The following OS9 variants were observed in gnomAD, a reference collection of about 807,000 sequenced individuals.
OS9 encodes protein OS-9.
Under a neutral mutation model 84.7 loss-of-function variants are expected in OS9, and 58 were observed. The observed-to-expected ratio is 0.68, with a 90% CI of 0.55 to 0.85. The LOEUF (loss-of-function observed/expected upper bound fraction) is 0.85, where lower values mean the gene tolerates loss of function less well. Among genes scored for constraint, OS9 ranks in the 40% least tolerant of loss-of-function variants. The pLI, the probability that OS9 is intolerant of heterozygous loss-of-function variation, is 0.00. For synonymous variants in OS9, 278 were observed against 320.8 expected (o/e 0.87, Z 1.43); for missense variants, 760 against 850.9 (o/e 0.89, Z 1.33).
intron 1 of OS9, 40 bp downstream of exon 1, chr12:57,694,363 G>A: frequency 6.2e-7 from 1 of 1,607,952 alleles, no homozygotes; most frequent in Non-Finnish European, 8.5e-7. Context: ...GGCAGAAGAG[G>A]AAGCGGGTAA....
chr12:57,695,064 G>T, intron 2 of OS9, 138 bp downstream of exon 2: 2 of 694,716 alleles, frequency 2.9e-6, no homozygotes, highest in East Asian at 2.7e-5. Context: ...CAGATTACAC[G>T]GACAGGAAAG....
intron 5 of OS9, among the ~76,000 whole-genome samples, chr12:57,697,924 T>TACACACACACACAC (rs61407014): frequency 4.4e-5 from 4 of 91,548 alleles, no homozygotes; most frequent in African/African-American, 7.9e-5. Flanking sequence ...CACACACACA[T>TACACACACACACAC]ACACACACAC....
intron 3 of OS9, 26 bp from the exon 4 acceptor site, chr12:57,695,936 G>A: frequency 1.3e-6 from 2 of 1,595,968 alleles, no homozygotes; most frequent in Non-Finnish European, 1.7e-6. Context: ...AAGAGTAACA[G>A]TGCTTCACTG....
At chr12:57,712,671 T>G (rs1478931888) in intron 5 of OS9, among the ~76,000 whole-genome samples, 1 of 152,158 alleles carries the variant, frequency 6.6e-6, no homozygotes, top group Non-Finnish European at 1.5e-5. Context: ...TTTTAGATAG[T>G]ATGTTGTAGT....
At chr12:57,694,631 T>A in intron 1 of OS9, 119 bp from the exon 2 acceptor site, 1 of 1,057,558 alleles carries the variant, frequency 9.5e-7, no homozygotes, top group Non-Finnish European at 1.4e-6. Flanking sequence ...CTGGAGGGCT[T>A]ATGGCTTATT....
intron 10 of OS9, 62 bp downstream of exon 10, chr12:57,718,020 T>C (rs771517063): frequency 1.6e-5 from 25 of 1,538,766 alleles, no homozygotes; most frequent in Non-Finnish European, 2.1e-5. Flanking sequence ...TTTGAAAAAC[T>C]ACCCTGACCT....
intron 7 of OS9, 31 bp downstream of exon 7, chr12:57,716,224 C>G (rs1048466862): frequency 1.4e-6 from 2 of 1,430,106 alleles, no homozygotes; most frequent in African/African-American, 2.9e-5. Flanking sequence ...TTCCGTGAAA[C>G]TCACTTCCAT....
chr12:57,718,998 GAA>G lies in OS9; in HGVS notation c.1418_1419del (p.Lys473ArgfsTer65). The G allele has an allele frequency of 6.2e-7, 1 of 1,612,998 alleles. No individual in the cohort carries two copies. Among genetic ancestry groups the G allele is most frequent in the Admixed American group, 1.7e-5 (1 of 59,988 alleles). On this transcript the variant is annotated frameshift_variant, in exon 12 of 15. Coordinates refer to ENST00000315970, the MANE Select transcript of OS9 (RefSeq NM_006812.4). LOFTEE classifies it high-confidence loss of function. ...TCTTCTCTTGGGTATTCCAGACAGAGAAAGAGCTGGACCCAGATGGGCTGAAG... is the reference window on the plus strand; with the variant it reads ...TCTTCTCTTGGGTATTCCAGACAGAGAGAGCTGGACCCAGATGGGCTGAAG... Reference protein sequence around the residue: ...ELENIIQETEKELDPDGLKKE... With the variant: ...ELENIIQETEXELDPDGLKKE...
chr12:57,711,116 C>T (rs1954316828), intron 5 of OS9, among the ~76,000 whole-genome samples: 1 of 151,324 alleles, frequency 6.6e-6, no homozygotes, highest in African/African-American at 2.4e-5. Flanking sequence ...CCCATTCTCT[C>T]CCCGCCATCC....
Position 57,716,287 on chromosome 12 carries a change from G to A in OS9, c.892+94G>A. ...CTGACTGACTGGTGGGGTGGGGGGG[G>A]GTGGAAAAGTACCATGGGCCCTCCT... On this transcript the variant is annotated intron_variant, in intron 7 of 14. Transcript: ENST00000315970. 3 of 745,066 alleles carry A rather than the reference G, an allele frequency of 4.0e-6. 1 individual carries two copies. The highest frequency in any genetic ancestry group is 1.5e-5 in the South Asian group (1 of 66,502). The allele number at this position is 745,066 out of a possible 1,614,324, so 46.2% of individuals were successfully genotyped here. A position where few individuals can be genotyped will look rare whatever the true frequency, so the allele number is the denominator to read the frequency against.
At chr12:57,717,985 A>G (rs773072230) in intron 10 of OS9, 27 bp downstream of exon 10, 2 of 1,579,128 alleles carry the variant, frequency 1.3e-6, no homozygotes, top group Non-Finnish European at 8.6e-7. Flanking sequence ...GGGAATGGGT[A>G]GAACCCACCT....
At chr12:57,713,943 CA>C (rs1477949133) in intron 5 of OS9, among the ~76,000 whole-genome samples, 9 of 145,664 alleles carry the variant, frequency 6.2e-5, no homozygotes, top group Non-Finnish European at 1.2e-4. Flanking sequence ...CCTGTCTCTA[CA>C]AAAAAATTTG....
chr12:57,719,430 C>T (rs772159147), intron 12 of OS9: 32 of 520,868 alleles, frequency 6.1e-5, no homozygotes, highest in Non-Finnish European at 1.1e-4. Flanking sequence ...TGCTCCTGTA[C>T]ACCCAGTGCC....
In OS9 at chr12:57,695,549, A is replaced by ATGGAAAGACCACAAG. The variant is rs958062927; in HGVS notation, c.340-224_340-210dup. The ATGGAAAGACCACAAG allele has an allele frequency of 5.8e-6, 4 of 694,276 alleles. No homozygotes were observed. The African/African-American group carries it at 7.0e-5, about 12-fold the overall frequency. The allele number at this position is 694,276 out of a possible 1,614,324, so 43.0% of individuals were successfully genotyped here. On this transcript the variant is annotated intron_variant, in intron 2 of 14. Coordinates refer to ENST00000315970, the MANE Select transcript of OS9 (RefSeq NM_006812.4). Reference sequence around the variant, plus strand: ...TTAAAAAATCTTTTAAAAGGGAGGAATGGAAAGACCACAAGTGGAAAACAG... The same window carrying ATGGAAAGACCACAAG: ...TTAAAAAATCTTTTAAAAGGGAGGAATGGAAAGACCACAAGTGGAAAGACCACAAGTGGAAAACAG...
chr12:57,696,803 A>T (rs751671618), intron 5 of OS9, among the ~76,000 whole-genome samples: 89 of 151,560 alleles, frequency 5.9e-4, no homozygotes, highest in Middle Eastern at 3.4e-3. Context: ...CTCAAAAAAG[A>T]AAAGAAAAAA....
Position 57,716,057 on chromosome 12 carries a change from T to C in OS9, c.791-35T>C, listed in dbSNP as rs753545658. 5.0e-6 allele frequency: 8 copies of C among 1,593,956 alleles called. No homozygotes were observed. In the Admixed American group the frequency reaches 1.3e-4, roughly 27 times the overall value. On this transcript the variant is annotated intron_variant, in intron 6 of 14. Coordinates refer to ENST00000315970, the MANE Select transcript of OS9 (RefSeq NM_006812.4). ...CAAGTATTGAATAGCTGGAGGAATG[T>C]GTTCCTGGCCTGCTTGCATGCTGTT...
In OS9 at chr12:57,720,183, T is replaced by C; in HGVS notation, c.1685T>C (p.Met562Thr). 6.2e-7 allele frequency: 1 copy of C among 1,614,086 alleles called. No individual in the cohort carries two copies. Among genetic ancestry groups the C allele is most frequent in the Non-Finnish European group, 8.5e-7 (1 of 1,180,014 alleles). Residue 562 changes from methionine (M) to threonine (T), a missense_variant, in exon 13 of 15, where the codon ATG (methionine) becomes ACG (threonine). Coordinates refer to ENST00000315970, the MANE Select transcript of OS9 (RefSeq NM_006812.4). ...GPNQDLTVLEMKRENPQLKQI... is the reference protein window; with the variant it reads ...GPNQDLTVLETKRENPQLKQI... ...AATCAGGATCTGACTGTCCTCGAGA[T>C]GAAACGGGAAAACCCACAGCTGAAA...
Position 57,716,201 on chromosome 12 carries a change from C to T in OS9, c.892+8C>T. On this transcript the variant is annotated splice_region_variant and intron_variant, in intron 7 of 14. Coordinates refer to ENST00000315970, the MANE Select transcript of OS9 (RefSeq NM_006812.4). ...CACCCCAAAAGATGGCAGGTAGGAC[C>T]TTGTTTCACCTGTTCCGTGAAACTC... The T allele has an allele frequency of 2.6e-6, 4 of 1,555,028 alleles. No homozygotes were observed. The highest frequency in any genetic ancestry group is 1.4e-5 in the African/African-American group (1 of 71,360).
At chr12:57,710,096 G>A (rs972261441) in intron 5 of OS9, among the ~76,000 whole-genome samples, 2 of 152,072 alleles carry the variant, frequency 1.3e-5, no homozygotes, top group East Asian at 1.9e-4. Context: ...CAAGTGATCC[G>A]CTCACCTTGG....
Sources: allele counts gnomAD v4.1 joint callset (sites outside exome capture counted in the v4.1 genomes callset), GRCh38; gene constraint gnomAD v4.1.1; transcripts MANE v1.5; gene names NCBI Gene and HGNC (gene_info 2026-07-23, HGNC 2026-07-21).